Variants in PIK3R5 observed in about 807,000 individuals in gnomAD.
PIK3R5 encodes the protein phosphoinositide 3-kinase regulatory subunit 5.
In PIK3R5, 32 loss-of-function variants were observed where a neutral mutation model predicts 94.9. The observed-to-expected ratio is 0.34, with a 90% confidence interval of 0.25 to 0.45. The LOEUF is 0.45. Ranked by LOEUF, PIK3R5 falls within the 20% of genes least tolerant of loss-of-function variation. The pLI, the probability that PIK3R5 is intolerant of heterozygous loss-of-function variation, is 1.00. For missense variants in PIK3R5, 853 were observed against 1,144.6 expected (o/e 0.75, Z 3.68); for synonymous variants, 443 against 479.4 (o/e 0.92, Z 0.99).
chr17:8,893,859 AT>A lies in PIK3R5; in HGVS notation c.413-205del. ...CGTCCTTTTACACCTCACGAGTCAT[AT>A]CCCCACCTCCACCTCCAACACCAAA... On this transcript the variant is annotated intron_variant, in intron 5 of 18. Transcript: ENST00000447110. This position sits in a 1 kb window ranked among gnomAD's most constrained non-coding sequence, Gnocchi z 5.1. 4.3e-6 allele frequency: 2 copies of A among 465,036 alleles called. No individual in the cohort carries two copies. Among genetic ancestry groups the A allele is most frequent in the Non-Finnish European group, 7.8e-6 (2 of 255,268 alleles). 28.8% of individuals were successfully genotyped at this position (465,036 alleles called of 1,614,324 possible).
intron 1 of PIK3R5, among the ~76,000 whole-genome samples, chr17:8,927,668 G>A (rs531410797): frequency 8.5e-5 from 13 of 152,330 alleles, no homozygotes; most frequent in African/African-American, 1.4e-4. Context: ...AGCCAGAGAC[G>A]TATCAGTGGA....
Position 8,882,710 on chromosome 17 carries a change from G to C in PIK3R5, c.2206-829C>G, listed in dbSNP as rs2089708000. 6.6e-6 allele frequency among the ~76,000 whole-genome samples: 1 copy of C among 152,078 alleles called. No homozygotes were observed. Among genetic ancestry groups the C allele is most frequent in the Admixed American group, 6.5e-5 (1 of 15,272 alleles). ...CCCAACTGGACCCCGGCCTCTTCCTGTGGTCCCCCCAGAGAAGATGGTGCT... is the reference window on the plus strand; with the variant it reads ...CCCAACTGGACCCCGGCCTCTTCCTCTGGTCCCCCCAGAGAAGATGGTGCT... On this transcript the variant is annotated intron_variant, in intron 15 of 18. Coordinates refer to ENST00000447110, the MANE Select transcript of PIK3R5 (RefSeq NM_001142633.3). This position sits in a 1 kb window ranked among gnomAD's most constrained non-coding sequence, Gnocchi z 4.1.
chr17:8,889,966 G>C lies in PIK3R5; in HGVS notation c.811+7C>G, dbSNP rs371894646. ...GTGGGAGAACCCCATTCTCCCAAGA[G>C]CCTCACCTAACACCCCAGGGAAGCC... On this transcript the variant is annotated splice_region_variant and intron_variant, in intron 8 of 18. Coordinates refer to ENST00000447110, the MANE Select transcript of PIK3R5 (RefSeq NM_001142633.3). The surrounding 1 kb of genome is among the most constrained non-coding windows in gnomAD (Gnocchi z 4.1). 9.1e-4 allele frequency: 1,464 copies of C among 1,613,438 alleles called. 2 individuals are homozygous for C. The highest frequency in any genetic ancestry group is 1.1e-3 in the Non-Finnish European group (1,282 of 1,179,866).
chr17:8,881,940 CTCTTT>C lies in PIK3R5; in HGVS notation c.2206-64_2206-60del. ...CAGAGGCCCCGGTGCCTGCTGCCTT[CTCTTT>C]GAAGGCCCATCAGTGACAGGGGGTT... is the stretch of plus-strand genomic sequence containing the variant. On this transcript the variant is annotated intron_variant, in intron 15 of 18. Transcript: ENST00000447110. The surrounding 1 kb of genome is among the most constrained non-coding windows in gnomAD (Gnocchi z 4.8). The C allele has an allele frequency of 2.3e-6, 3 of 1,327,678 alleles. No individual in the cohort carries two copies. Among genetic ancestry groups the C allele is most frequent in the Non-Finnish European group, 3.2e-6 (3 of 934,098 alleles). The allele number at this position is 1,327,678 out of a possible 1,614,324, so 82.2% of individuals were successfully genotyped here.
intron 1 of PIK3R5, among the ~76,000 whole-genome samples, chr17:8,949,885 C>A (rs553858204): frequency 1.3e-5 from 2 of 152,182 alleles, no homozygotes; most frequent in South Asian, 2.1e-4. Context: ...TACCTGTTCC[C>A]CAAAAATCTA....
At chr17:8,897,165 CCTGGGCAGGAAGGT>C (rs961797148) in intron 5 of PIK3R5, among the ~76,000 whole-genome samples, 1 of 152,150 alleles carries the variant, frequency 6.6e-6, no homozygotes, top group Non-Finnish European at 1.5e-5. Flanking sequence ...CTCAGCAGGG[CCTGGGCAGGAAGGT>C]GAAGCACGGA....
chr17:8,965,001 C>CCACACACA (rs10680170), intron 1 of PIK3R5, among the ~76,000 whole-genome samples: 12,949 of 150,724 alleles, frequency 0.086, 568 homozygotes, highest in Non-Finnish European at 0.099. Context: ...ATGCGCATGC[C>CCACACACA]CACACACACA....
At position 8,905,763 on chromosome 17, in the gene PIK3R5, G is replaced by T. The variant is rs373751109; in HGVS notation, c.205-26C>A. The T allele has an allele frequency of 3.2e-6, 5 of 1,545,678 alleles. No individual in the cohort carries two copies. The South Asian group carries it at 5.9e-5, about 18-fold the overall frequency. ...CTGTGGAGAGGAGGAGAAGGGGAAT[G>T]AGCCTCATTCACGGGGTCCAGGGCT... is the stretch of plus-strand genomic sequence containing the variant. On this transcript the variant is annotated intron_variant, in intron 3 of 18. Transcript: ENST00000447110.
At position 8,888,859 on chromosome 17, in the gene PIK3R5, C is replaced by G. The variant is rs2089951984; in HGVS notation, c.928G>C (p.Glu310Gln). The G allele has an allele frequency of 7.5e-6, 12 of 1,604,012 alleles. No individual in the cohort carries two copies. The highest frequency in any genetic ancestry group is 1.0e-5 in the Non-Finnish European group (12 of 1,179,196). The change falls in exon 10 of 19, where the codon GAG (glutamate) becomes CAG (glutamine). Residue 310 changes from glutamate (E) to glutamine (Q), a missense_variant. Physicochemically the swap from Glu to Gln is conservative, Grantham distance 29. This residue lies in a region of PIK3R5 where 161 missense variants were observed against 249.5 expected (regional missense o/e 0.65). Transcript: ENST00000447110. This position sits in a 1 kb window ranked among gnomAD's most constrained non-coding sequence, Gnocchi z 7.8. The part of the protein sequence containing the change: ...ILQEILLKEQ[E>Q]LLQPGILGDD... ...CCCAGGATCCCTGGCTGGAGTAGCT[C>G]CTGTTCCTTGAGCAGGATTTCCTGC...
intron 1 of PIK3R5, among the ~76,000 whole-genome samples, chr17:8,920,982 C>T (rs2090732335): frequency 6.6e-6 from 1 of 151,856 alleles, no homozygotes; most frequent in Non-Finnish European, 1.5e-5. Context: ...GCTGGGATTA[C>T]AGGCATGCAT....
Position 8,887,182 on chromosome 17 carries a change from T to C in PIK3R5, c.1819A>G (p.Ile607Val). The change falls in exon 12 of 19, where the codon ATC becomes GTC. Residue 607 changes from isoleucine to valine, a missense_variant. By Grantham distance (29) the Ile-to-Val change is conservative (BLOSUM62 3). This residue lies in a region of PIK3R5 where 173 missense variants were observed against 274.1 expected (regional missense o/e 0.63). Transcript: ENST00000447110. ...TCCAGCATGCCGAGGTAGTGGGAGA[T>C]GTCATTGGTGCTCTCCTCCCATGGG... Reference protein sequence around the residue: ...TTPWEESTNDISHYLGMLDPW... With the variant: ...TTPWEESTNDVSHYLGMLDPW... 1 of 1,613,722 alleles carries C rather than the reference T, an allele frequency of 6.2e-7. No individual in the cohort carries two copies. Among genetic ancestry groups the C allele is most frequent in the Non-Finnish European group, 8.5e-7 (1 of 1,179,898 alleles).
At chr17:8,958,921 C>A (rs1244197137) in intron 1 of PIK3R5, among the ~76,000 whole-genome samples, 2 of 152,094 alleles carry the variant, frequency 1.3e-5, no homozygotes, top group African/African-American at 2.4e-5. Context: ...TCACGCCCGG[C>A]TAATATTTGT....
At chr17:8,933,730 A>G (rs2091025121) in intron 1 of PIK3R5, among the ~76,000 whole-genome samples, 1 of 152,176 alleles carries the variant, frequency 6.6e-6, no homozygotes, top group Non-Finnish European at 1.5e-5. Context: ...AATATATAAA[A>G]AGACCAAATG....
chr17:8,941,697 G>T (rs918066365), intron 1 of PIK3R5, among the ~76,000 whole-genome samples: 2 of 152,168 alleles, frequency 1.3e-5, no homozygotes, highest in African/African-American at 2.4e-5. Context: ...GGCAGGGTCT[G>T]CAGGGCAATG....
At chr17:8,894,714 C>T (rs1334823516) in intron 5 of PIK3R5, among the ~76,000 whole-genome samples, 1 of 152,170 alleles carries the variant, frequency 6.6e-6, no homozygotes, top group East Asian at 1.9e-4. Flanking sequence ...CGGGAGTTCA[C>T]TCCCTCACAG....
Position 8,888,702 on chromosome 17 carries a change from G to T in PIK3R5, c.1085C>A (p.Ala362Glu), listed in dbSNP as rs1158742403. 1 of 1,613,822 alleles carries T rather than the reference G, an allele frequency of 6.2e-7. No individual in the cohort carries two copies. Among genetic ancestry groups the T allele is most frequent in the African/African-American group, 1.3e-5 (1 of 74,958 alleles). ...GGCCGGCCCCGAGGCCTGGGAGGAT[G>T]CAAGGGACAAGGTGGAGTCATGGGA... ...LASHDSTLSL[A>E]SSQASGPALS... is the part of the protein sequence containing the mutation. The change falls in exon 10 of 19, where the codon GCA becomes GAA. Residue 362 changes from alanine (A) to glutamate (E), a missense_variant. Around this residue, in one of 6 missense-constraint regions of PIK3R5, gnomAD observed 319 missense variants for 339.8 expected, o/e 0.94. Coordinates refer to ENST00000447110, the MANE Select transcript of PIK3R5 (RefSeq NM_001142633.3). This position sits in a 1 kb window ranked among gnomAD's most constrained non-coding sequence, Gnocchi z 7.8.
chr17:8,884,836 AC>A lies in PIK3R5; in HGVS notation c.2129-54del, dbSNP rs2089774101. 1.3e-6 allele frequency: 2 copies of A among 1,531,160 alleles called. No homozygotes were observed. Among genetic ancestry groups the A allele is most frequent in the East Asian group, 4.5e-5 (2 of 44,510 alleles). 94.8% of individuals were successfully genotyped at this position (1,531,160 alleles called of 1,614,324 possible). A position where few individuals can be genotyped will look rare whatever the true frequency, so the allele number is the denominator to read the frequency against. ...CTACCCCTGGCTTCCCCGGCTCCTCACGAACGCAGTGGCCTTGCCTCCCTGG... is the reference window on the plus strand; with the variant it reads ...CTACCCCTGGCTTCCCCGGCTCCTCAGAACGCAGTGGCCTTGCCTCCCTGG... On this transcript the variant is annotated intron_variant, in intron 14 of 18. Coordinates refer to ENST00000447110, the MANE Select transcript of PIK3R5 (RefSeq NM_001142633.3). The surrounding 1 kb of genome is among the most constrained non-coding windows in gnomAD (Gnocchi z 5.8).
rs1344544951 is a variant in PIK3R5 at position 8,881,228 on chromosome 17, C to T, written c.2383-211G>A. On this transcript the variant is annotated intron_variant, in intron 17 of 18. Coordinates refer to ENST00000447110, the MANE Select transcript of PIK3R5 (RefSeq NM_001142633.3). The surrounding 1 kb of genome is among the most constrained non-coding windows in gnomAD (Gnocchi z 4.8). The stretch of plus-strand genomic sequence containing the variant: ...CCTCCTCTCCAGCATCTGGAAGAAG[C>T]AAGTGCCCCCTGAGGAGACATTGCC... Among the ~76,000 whole-genome samples, 1 of 152,154 alleles carries T rather than the reference C, an allele frequency of 6.6e-6. No individual in the cohort carries two copies. Among genetic ancestry groups the T allele is most frequent in the Non-Finnish European group, 1.5e-5 (1 of 68,012 alleles).
chr17:8,885,522 T>C (rs441712), intron 14 of PIK3R5, among the ~76,000 whole-genome samples: 1 of 104,040 alleles, frequency 9.6e-6, no homozygotes, highest in Non-Finnish European at 1.9e-5. Flanking sequence ...TAACTCCATC[T>C]TCCCATGGCC....
Sources: allele counts gnomAD v4.1 joint callset (sites outside exome capture counted in the v4.1 genomes callset), GRCh38; gene constraint gnomAD v4.1.1; regional missense constraint gnomAD v4.1.1; non-coding constraint Gnocchi (gnomAD v3.1); transcripts MANE v1.5; gene names NCBI Gene and HGNC (gene_info 2026-07-23, HGNC 2026-07-21).